The following TFG variants were observed in gnomAD, a reference collection of about 807,000 sequenced individuals.
TFG encodes protein TFG.
A neutral mutation model predicts 51.4 loss-of-function variants in TFG; 22 were observed. That is an observed-to-expected ratio of 0.43 (90% CI 0.31 to 0.61). The LOEUF is 0.61. TFG is among the 20% of genes least tolerant of loss of function. The pLI is 0.12. For missense variants in TFG, 419 were observed against 487.7 expected (o/e 0.86, Z 1.33); for synonymous variants, 187 against 165.6 (o/e 1.13, Z -0.99).
At chr3:100,727,735 T>A (rs2095079859) in intron 3 of TFG, among the ~76,000 whole-genome samples, 1 of 152,210 alleles carries the variant, frequency 6.6e-6, no homozygotes, top group Non-Finnish European at 1.5e-5. Flanking sequence ...TACCGAGTAA[T>A]CTCTGGCATT....
chr3:100,745,228 C>T (rs771511466), intron 7 of TFG, among the ~76,000 whole-genome samples: 166 of 152,128 alleles, frequency 1.1e-3, no homozygotes, highest in Non-Finnish European at 1.0e-3. Flanking sequence ...ATCTCTTAGG[C>T]GACTTAGTGC....
At chr3:100,748,125 A>G in intron 7 of TFG, 24 bp from the exon 8 acceptor site, 1 of 1,602,684 alleles carries the variant, frequency 6.2e-7, no homozygotes, top group African/African-American at 1.3e-5. Context: ...GATAAGATAC[A>G]TGTTATTTAT....
chr3:100,743,003 T>C (rs1356314055), intron 6 of TFG: 1 of 152,182 alleles, frequency 6.6e-6, no homozygotes. Context: ...TACTACTACG[T>C]GGAACCTTAA....
chr3:100,721,970 G>A (rs2149069262), intron 3 of TFG, among the ~76,000 whole-genome samples: 1 of 152,336 alleles, frequency 6.6e-6, no homozygotes, highest in Admixed American at 6.5e-5. Flanking sequence ...GAGCAACACG[G>A]TAAAACCCTA....
At chr3:100,737,250 A>T (rs79468618) in intron 6 of TFG, among the ~76,000 whole-genome samples, 1 of 152,218 alleles carries the variant, frequency 6.6e-6, no homozygotes, top group East Asian at 1.9e-4. Flanking sequence ...TTCTGAAATA[A>T]TCTGTCCTTG....
At chr3:100,730,451 C>T (rs2095088404) in intron 4 of TFG, among the ~76,000 whole-genome samples, 1 of 152,000 alleles carries the variant, frequency 6.6e-6, no homozygotes, top group Non-Finnish European at 1.5e-5. Context: ...CTTGTATGGC[C>T]ATTTTCTAGT....
At chr3:100,747,820 T>A (rs566139220) in intron 7 of TFG, among the ~76,000 whole-genome samples, 1 of 152,350 alleles carries the variant, frequency 6.6e-6, no homozygotes, top group East Asian at 1.9e-4. Flanking sequence ...GAAAACCTGG[T>A]TAATGACTAT....
At chr3:100,711,434 A>G (rs2095031125) in intron 1 of TFG, among the ~76,000 whole-genome samples, 1 of 152,164 alleles carries the variant, frequency 6.6e-6, no homozygotes, top group Admixed American at 6.5e-5. Context: ...TTGGGCAACA[A>G]ACCCGTACCC....
At chr3:100,718,692 G>A (rs1035800277) in intron 2 of TFG, among the ~76,000 whole-genome samples, 1 of 151,322 alleles carries the variant, frequency 6.6e-6, no homozygotes, top group Non-Finnish European at 1.5e-5. Context: ...CAAGTAGCTG[G>A]AATTATAGGC....
At chr3:100,720,908 C>T (rs978281133) in intron 3 of TFG, among the ~76,000 whole-genome samples, 2 of 151,760 alleles carry the variant, frequency 1.3e-5, no homozygotes, top group African/African-American at 2.4e-5. Flanking sequence ...CTTTTTCCGG[C>T]TGTTTTGTTG....
At chr3:100,737,988 A>G (rs28523825) in intron 6 of TFG, among the ~76,000 whole-genome samples, 4,521 of 152,090 alleles carry the variant, frequency 0.03, 183 homozygotes, top group African/African-American at 0.092. Context: ...GCATTGTTGA[A>G]TTGAAGTGGG....
At chr3:100,745,064 T>G in intron 7 of TFG, 133 bp downstream of exon 7, 1 of 432,002 alleles carries the variant, frequency 2.3e-6, no homozygotes, top group East Asian at 3.5e-5. Flanking sequence ...GAAACAACAT[T>G]TGTTTTATTT....
At chr3:100,734,616 T>A (rs1576371209) in intron 5 of TFG, among the ~76,000 whole-genome samples, 1 of 152,334 alleles carries the variant, frequency 6.6e-6, no homozygotes, top group Middle Eastern at 3.4e-3. Context: ...TCTTTTGTTT[T>A]GTTCATGTTT....
intron 4 of TFG, among the ~76,000 whole-genome samples, chr3:100,729,228 T>A (rs1468467202): frequency 6.6e-6 from 1 of 152,236 alleles, no homozygotes; most frequent in Non-Finnish European, 1.5e-5. Context: ...AGATAAGTAA[T>A]GAACCTTGGG....
At chr3:100,732,116 G>C (rs2095093136) in intron 4 of TFG, among the ~76,000 whole-genome samples, 1 of 151,966 alleles carries the variant, frequency 6.6e-6, no homozygotes, top group Non-Finnish European at 1.5e-5. Context: ...TAAAGCCTTA[G>C]TTCCTATAAT....
intron 4 of TFG, among the ~76,000 whole-genome samples, chr3:100,729,586 T>C (rs868486779): frequency 3.8e-5 from 2 of 53,126 alleles, no homozygotes; most frequent in African/African-American, 9.2e-5. Context: ...AAAACTCTTA[T>C]TATTATTTTT....
chr3:100,734,049 A>C (rs2095098991), intron 5 of TFG, among the ~76,000 whole-genome samples: 1 of 151,236 alleles, frequency 6.6e-6, no homozygotes, highest in Non-Finnish European at 1.5e-5. Context: ...TCACAGTCAC[A>C]GAAGTTTTTT....
intron 4 of TFG, among the ~76,000 whole-genome samples, chr3:100,731,702 A>C (rs1417006600): frequency 6.6e-6 from 1 of 152,072 alleles, no homozygotes; most frequent in Non-Finnish European, 1.5e-5. Context: ...GATTACAGGC[A>C]TGCATCACTG....
chr3:100,737,038 T>C (rs551116092), intron 6 of TFG, among the ~76,000 whole-genome samples: 7 of 152,360 alleles, frequency 4.6e-5, no homozygotes, highest in Non-Finnish European at 1.0e-4. Flanking sequence ...TTTTGTGTTA[T>C]AGATGCTATT....
Sources: allele counts gnomAD v4.1 joint callset (sites outside exome capture counted in the v4.1 genomes callset), GRCh38; gene constraint gnomAD v4.1.1; transcripts MANE v1.5; gene names NCBI Gene and HGNC (gene_info 2026-07-23, HGNC 2026-07-21).